The following CORO7 variants were observed in gnomAD, a reference collection of about 807,000 sequenced individuals.
CORO7 encodes the protein coronin 7, also known as coronin-7.
CORO7 carries 107 observed loss-of-function variants against 126.6 expected under a neutral mutation model. The observed-to-expected ratio is 0.85, with a 90% CI of 0.72 to 0.99. The LOEUF (loss-of-function observed/expected upper bound fraction) is 0.99, where lower values mean the gene tolerates loss of function less well. Ranked by LOEUF, CORO7 falls within the 50% of genes least tolerant of loss-of-function variation. The pLI is 0.00. For missense variants in CORO7, 1,314 were observed against 1,255.8 expected (o/e 1.05, Z -0.70); for synonymous variants, 603 against 536.8 (o/e 1.12, Z -1.70).
At chr16:4,410,068 G>C (rs1163824624) in intron 3 of CORO7, among the ~76,000 whole-genome samples, 1 of 152,148 alleles carries the variant, frequency 6.6e-6, no homozygotes, top group Non-Finnish European at 1.5e-5. Context: ...GTAGCAGAGG[G>C]CTCACCACCT....
At chr16:4,387,946 T>C in intron 9 of CORO7, 40 bp downstream of exon 9, 1 of 1,609,132 alleles carries the variant, frequency 6.2e-7, no homozygotes, top group Non-Finnish European at 8.5e-7. Context: ...GCGCCTTGGG[T>C]CATCAGCCCC....
At chr16:4,378,969 G>C (rs935900720) in intron 9 of CORO7, among the ~76,000 whole-genome samples, 2 of 152,060 alleles carry the variant, frequency 1.3e-5, no homozygotes, top group Non-Finnish European at 1.5e-5. Flanking sequence ...CCCAACCCCG[G>C]GGACAAGGGC....
Position 4,362,142 on chromosome 16 carries a change from C to A in CORO7, c.1421G>T (p.Arg474Leu). ...QSLLGPSSKF[R>L]HAQGTVLHRD... The stretch of plus-strand genomic sequence containing the variant: ...GTGCAGGACAGTGCCCTGAGCATGG[C>A]GGAACTTGGAACTGGGGCCTGGCAG... Residue 474 changes from arginine (R) to leucine (L), a missense_variant, in exon 16 of 28, where the codon CGC (arginine) becomes CTC (leucine). By Grantham distance (102) the Arg-to-Leu change is moderately radical. Coordinates refer to ENST00000251166, the MANE Select transcript of CORO7 (RefSeq NM_024535.5). The surrounding 1 kb of genome is among the most constrained non-coding windows in gnomAD (Gnocchi z 5.3). 1.2e-6 allele frequency: 2 copies of A among 1,607,326 alleles called. No individual in the cohort carries two copies. The highest frequency in any genetic ancestry group is 1.1e-5 in the South Asian group (1 of 90,664).
rs759120265 is a variant in CORO7 at position 4,364,257 on chromosome 16, G to C, written c.1275+19C>G. On this transcript the variant is annotated intron_variant, in intron 14 of 27. Transcript: ENST00000251166. ...CTGCAGTGTCGCTGAGGGAGGATGGGGGCGGCCCTGGTACTTACGCTTGCG... is the reference window on the plus strand; with the variant it reads ...CTGCAGTGTCGCTGAGGGAGGATGGCGGCGGCCCTGGTACTTACGCTTGCG... 4 of 1,527,276 alleles carry C rather than the reference G, an allele frequency of 2.6e-6. No homozygotes were observed. In the East Asian group the frequency reaches 7.0e-5, roughly 27 times the overall value. 94.6% of individuals were successfully genotyped at this position (1,527,276 alleles called of 1,614,324 possible).
intron 9 of CORO7, among the ~76,000 whole-genome samples, chr16:4,368,551 C>T (rs547410232): frequency 2.0e-5 from 3 of 152,056 alleles, no homozygotes; most frequent in Admixed American, 1.3e-4. Context: ...AGTTTGAGAC[C>T]AGCCTGGCCA....
chr16:4,401,057 C>G (rs943154785), intron 6 of CORO7, among the ~76,000 whole-genome samples: 2 of 152,198 alleles, frequency 1.3e-5, no homozygotes, highest in African/African-American at 4.8e-5. Flanking sequence ...CAGCCCCTCC[C>G]TGAGAGATGA....
chr16:4,383,899 C>T (rs777934153), intron 9 of CORO7, among the ~76,000 whole-genome samples: 6 of 152,232 alleles, frequency 3.9e-5, no homozygotes, highest in African/African-American at 7.2e-5. Flanking sequence ...GGACAGGGCC[C>T]TGGGCTCTCT....
chr16:4,360,546 G>A lies in CORO7; in HGVS notation c.1920C>T (p.Ile640=). 1 of 1,600,516 alleles carries A rather than the reference G, an allele frequency of 6.2e-7. No homozygotes were observed. Among genetic ancestry groups the A allele is most frequent in the Non-Finnish European group, 8.5e-7 (1 of 1,174,060 alleles). Residue 640 remains isoleucine, a splice_region_variant and synonymous_variant, in exon 20 of 28, where the codon ATC becomes ATT. Transcript: ENST00000251166. ...RLKLQGHQDQ[I]FSLAWSPDGQ... is the part of the protein sequence containing the mutation. ...CATCAGGACTCCAGGCCAGGCTGAAGATCTGGGGGCAGGAAGGGATATGAG... is the reference window on the plus strand; with the variant it reads ...CATCAGGACTCCAGGCCAGGCTGAAAATCTGGGGGCAGGAAGGGATATGAG...
At chr16:4,364,489 G>C in intron 13 of CORO7, 76 bp from the exon 14 acceptor site, 4 of 1,483,918 alleles carry the variant, frequency 2.7e-6, no homozygotes, top group Non-Finnish European at 3.6e-6. Flanking sequence ...AGGGTCAACT[G>C]GGTAGGGATG....
intron 9 of CORO7, chr16:4,382,710 C>G: frequency 6.4e-7 from 1 of 1,550,432 alleles, no homozygotes; most frequent in Admixed American, 2.0e-5. Context: ...CGGCTCAGGA[C>G]AAAGGGCAGG....
intron 10 of CORO7, 119 bp from the exon 11 acceptor site, chr16:4,365,179 A>C: frequency 1.4e-6 from 2 of 1,448,482 alleles, no homozygotes. Flanking sequence ...CAGTGGCTGG[A>C]GATGGGGCTC....
chr16:4,359,725 G>T, intron 21 of CORO7, 104 bp from the exon 22 acceptor site: 1 of 1,422,652 alleles, frequency 7.0e-7, no homozygotes. Flanking sequence ...GGTTGTAGGC[G>T]AGGCCTAGTG....
At position 4,408,230 on chromosome 16, in the gene CORO7, A is replaced by C. The variant is rs778331460; in HGVS notation, c.254T>G (p.Phe85Cys). ...CAGGAGGAAGTCATCAAAGGGCGAG[A>C]AGTCCAAGTCGGTGACTAGGTCTGT... The part of the protein sequence containing the change: ...CHSDLVTDLD[F>C]SPFDDFLLAT... The change falls in exon 4 of 28, where the codon TTC becomes TGC. Residue 85 changes from phenylalanine to cysteine, a missense_variant. Physicochemically the swap from Phe to Cys is radical, Grantham distance 205. Transcript: ENST00000251166. 5.0e-6 allele frequency: 8 copies of C among 1,614,198 alleles called. No individual in the cohort carries two copies. The South Asian group carries it at 6.6e-5, about 13-fold the overall frequency.
At chr16:4,416,142 G>A (rs1349028427) in intron 1 of CORO7, among the ~76,000 whole-genome samples, 1 of 152,152 alleles carries the variant, frequency 6.6e-6, no homozygotes, top group Non-Finnish European at 1.5e-5. Context: ...AAGCTGGGAA[G>A]GCAGGCGGCC....
chr16:4,367,906 G>A (rs1006510014), intron 9 of CORO7, among the ~76,000 whole-genome samples: 10 of 152,120 alleles, frequency 6.6e-5, no homozygotes, highest in Non-Finnish European at 4.4e-5. Flanking sequence ...TCAAGCAAAA[G>A]AGGCTAGGCC....
At chr16:4,356,714 T>C (rs1408904538) in intron 26 of CORO7, 4 of 195,174 alleles carry the variant, frequency 2.0e-5, no homozygotes, top group Non-Finnish European at 3.2e-5. Flanking sequence ...ATTACAGACA[T>C]GAACCACCGT....
At chr16:4,366,074 T>A (rs564229140) in intron 9 of CORO7, among the ~76,000 whole-genome samples, 11 of 152,278 alleles carry the variant, frequency 7.2e-5, no homozygotes, top group Admixed American at 2.6e-4. Flanking sequence ...TGTGCCTCAG[T>A]GATATCTTGG....
intron 14 of CORO7, 79 bp downstream of exon 14, chr16:4,364,197 A>G: frequency 7.8e-6 from 11 of 1,409,614 alleles, no homozygotes; most frequent in Non-Finnish European, 1.0e-5. Flanking sequence ...AAAAAAAAAA[A>G]AGGCCGTTCA....
rs777391937 is a variant in CORO7, at chr16:4,362,046, G to C, written c.1517C>G (p.Ala506Gly). Residue 506 changes from alanine (A) to glycine (G), a missense_variant, in exon 16 of 28, where the codon GCC becomes GGC. By Grantham distance (60) the Ala-to-Gly change is moderately conservative. Coordinates refer to ENST00000251166, the MANE Select transcript of CORO7 (RefSeq NM_024535.5). The surrounding 1 kb of genome is among the most constrained non-coding windows in gnomAD (Gnocchi z 5.3). Reference sequence around the variant, plus strand: ...CGGCACGGCCACACGCAGCTTGTTGGCACAGAAGCCGTCACTCTCACCAGG... The same window carrying C: ...CGGCACGGCCACACGCAGCTTGTTGCCACAGAAGCCGTCACTCTCACCAGG... The part of the protein sequence containing the change: ...TTPGESDGFC[A>G]NKLRVAVPLL... The C allele has an allele frequency of 1.2e-6, 2 of 1,612,840 alleles. No homozygotes were observed. The highest frequency in any genetic ancestry group is 2.7e-5 in the African/African-American group (2 of 74,930).
Sources: gnomAD v4.1 joint callset for allele counts (sites outside exome capture counted in the v4.1 genomes callset) on GRCh38, gnomAD v4.1.1 for gene constraint, Gnocchi (gnomAD v3.1) non-coding constraint, MANE v1.5 for transcripts, NCBI Gene and HGNC (gene_info 2026-07-23, HGNC 2026-07-21) for gene names.